RBFOX1: variants seen among roughly 807,000 people sequenced by gnomAD.
The protein encoded by RBFOX1 is RNA binding protein fox-1 homolog 1.
A neutral mutation model predicts 57.7 loss-of-function variants in RBFOX1; 8 were observed. The observed-to-expected ratio is 0.14, with a 90% CI of 0.08 to 0.25. RBFOX1 has a LOEUF of 0.25. Ranked by LOEUF, RBFOX1 falls within the 10% of genes least tolerant of loss-of-function variation. RBFOX1 has a pLI of 1.00. For synonymous variants in RBFOX1, 326 were observed against 222.4 expected, an observed-to-expected ratio of 1.47 and a Z score of -4.15; for missense variants, 611 against 548.5, an observed-to-expected ratio of 1.11 and a Z score of -1.14.
At chr16:7,083,381 A>T (rs1468545321) in intron 4 of RBFOX1, among the ~76,000 whole-genome samples, 1 of 152,052 alleles carries the variant, frequency 6.6e-6, no homozygotes, top group African/African-American at 2.4e-5. Flanking sequence ...GGGAGAATGA[A>T]TGGGTGCAAA....
intron 5 of RBFOX1, among the ~76,000 whole-genome samples, chr16:7,534,008 A>C (rs373553192): frequency 6.6e-6 from 1 of 152,088 alleles, no homozygotes; most frequent in African/African-American, 2.4e-5. Context: ...AATTGTTCCA[A>C]ATAGTGGCAC....
At chr16:6,977,180 C>T (rs1451711935) in intron 3 of RBFOX1, among the ~76,000 whole-genome samples, 2 of 144,380 alleles carry the variant, frequency 1.4e-5, no homozygotes, top group Middle Eastern at 3.5e-3. Flanking sequence ...ATATATAGAT[C>T]ATATATATCA....
chr16:5,639,697 T>C (rs2048799169), intron 3 of RBFOX1, among the ~76,000 whole-genome samples: 1 of 152,152 alleles, frequency 6.6e-6, no homozygotes, highest in Non-Finnish European at 1.5e-5. Flanking sequence ...CCTACCAGGC[T>C]GTAGGTGGCT....
At chr16:6,717,968 A>G (rs2065167533) in intron 3 of RBFOX1, among the ~76,000 whole-genome samples, 2 of 152,186 alleles carry the variant, frequency 1.3e-5, no homozygotes, top group Admixed American at 6.5e-5. Flanking sequence ...TAAATTCTGT[A>G]GGTGGCCTTC....
At chr16:6,132,552 C>T (rs901005402) in intron 1 of RBFOX1, among the ~76,000 whole-genome samples, 1 of 152,152 alleles carries the variant, frequency 6.6e-6, no homozygotes, top group Non-Finnish European at 1.5e-5. Context: ...GTACCTACTG[C>T]CATAAGTTCA....
chr16:6,331,529 T>TTC lies in RBFOX1; in HGVS notation c.-64+14488_-64+14489dup, dbSNP rs917868240. Among the ~76,000 whole-genome samples the TTC allele has an allele frequency of 3.2e-3, 474 of 150,276 alleles. 7 individuals are homozygous for TTC. The highest frequency in any genetic ancestry group is 9.9e-3 in the African/African-American group (403 of 40,844). On this transcript the variant is annotated intron_variant, in intron 2 of 15. Coordinates refer to ENST00000550418, the MANE Select transcript of RBFOX1 (RefSeq NM_018723.4). Reference sequence around the variant, plus strand: ...AATGGAAGGATCCTCCATTTTCTGTTTCTCTCTCTCTCTCTCTATATATAT... The same window carrying TTC: ...AATGGAAGGATCCTCCATTTTCTGTTTCTCTCTCTCTCTCTCTCTATATATAT...
At chr16:7,232,068 C>A (rs552317739) in intron 4 of RBFOX1, among the ~76,000 whole-genome samples, 1 of 152,098 alleles carries the variant, frequency 6.6e-6, no homozygotes, top group African/African-American at 2.4e-5. Context: ...GTCTGTCACC[C>A]AGGCTAGATT....
At position 7,514,115 on chromosome 16, in the gene RBFOX1, G is replaced by C. The variant is rs1303340451; in HGVS notation, c.28-4032G>C. 2.0e-5 allele frequency among the ~76,000 whole-genome samples: 3 copies of C among 152,016 alleles called. No individual in the cohort carries two copies. In the East Asian group the frequency reaches 5.8e-4, roughly 29 times the overall value. On this transcript the variant is annotated intron_variant, in intron 4 of 15. Transcript: ENST00000550418. ...GCTATTAGAAAACATTTTCCACAAA[G>C]GACCAGATGATAGATCATTCAGTCT...
chr16:6,888,675 T>C (rs1260899058), intron 3 of RBFOX1, among the ~76,000 whole-genome samples: 1 of 152,188 alleles, frequency 6.6e-6, no homozygotes, highest in African/African-American at 2.4e-5. Flanking sequence ...AGATGTCTCC[T>C]GTATTCTAAG....
intron 1 of RBFOX1, among the ~76,000 whole-genome samples, chr16:6,210,348 A>C (rs1598391557): frequency 2.0e-5 from 2 of 101,964 alleles, no homozygotes; most frequent in African/African-American, 3.2e-5. Context: ...AAAAAAACAA[A>C]AAAAAAAAAC....
chr16:5,480,981 C>T (rs2069520242), intron 2 of RBFOX1, among the ~76,000 whole-genome samples: 1 of 152,180 alleles, frequency 6.6e-6, no homozygotes, highest in Non-Finnish European at 1.5e-5. Flanking sequence ...AAAGTCTGAG[C>T]TGAGCATTCA....
intron 3 of RBFOX1, among the ~76,000 whole-genome samples, chr16:6,940,961 C>T (rs1271660182): frequency 6.6e-6 from 1 of 151,642 alleles, no homozygotes; most frequent in Non-Finnish European, 1.5e-5. Flanking sequence ...TCCGTCTTGG[C>T]CTCTCAAAGT....
intron 2 of RBFOX1, among the ~76,000 whole-genome samples, chr16:5,572,529 C>G (rs1253738533): frequency 2.6e-5 from 4 of 152,132 alleles, no homozygotes; most frequent in Admixed American, 6.6e-5. Flanking sequence ...ATCTTCTTCC[C>G]CAGTCATGAC....
chr16:5,944,226 A>C (rs2059344842), intron 4 of RBFOX1, among the ~76,000 whole-genome samples: 1 of 152,194 alleles, frequency 6.6e-6, no homozygotes, highest in South Asian at 2.1e-4. Flanking sequence ...AAAGAACGAG[A>C]TACATGGGCT....
intron 1 of RBFOX1, among the ~76,000 whole-genome samples, chr16:6,103,657 G>A (rs953679875): frequency 6.6e-6 from 1 of 152,124 alleles, no homozygotes; most frequent in Non-Finnish European, 1.5e-5. Flanking sequence ...CCAAGAGACA[G>A]AAGCAAGAGC....
At chr16:5,606,755 T>C (rs942808818) in intron 3 of RBFOX1, among the ~76,000 whole-genome samples, 1 of 152,096 alleles carries the variant, frequency 6.6e-6, no homozygotes, top group African/African-American at 2.4e-5. Context: ...GAGGAGGTGA[T>C]ACATAGAGTC....
At chr16:6,995,345 C>A (rs531305220) in intron 3 of RBFOX1, among the ~76,000 whole-genome samples, 116 of 141,022 alleles carry the variant, frequency 8.2e-4, no homozygotes, top group African/African-American at 2.9e-3. Flanking sequence ...AAGTGGTGAT[C>A]CTGCTTTGTA....
At chr16:5,425,633 G>A (rs555215781) in intron 1 of RBFOX1, among the ~76,000 whole-genome samples, 23 of 152,270 alleles carry the variant, frequency 1.5e-4, no homozygotes, top group Admixed American at 1.0e-3. Context: ...CTTTGAATAC[G>A]GGAAATAAGT....
intron 4 of RBFOX1, among the ~76,000 whole-genome samples, chr16:7,341,487 G>C (rs1035443738): frequency 3.3e-5 from 5 of 152,096 alleles, no homozygotes; most frequent in African/African-American, 1.2e-4. Flanking sequence ...CATGCCATTC[G>C]CAGTAGAGTC....
Sources: gnomAD v4.1 joint callset for allele counts (sites outside exome capture counted in the v4.1 genomes callset) on GRCh38, gnomAD v4.1.1 for gene constraint, MANE v1.5 for transcripts, NCBI Gene and HGNC (gene_info 2026-07-23, HGNC 2026-07-21) for gene names.